RIN3: variants seen among roughly 807,000 people sequenced by gnomAD.
RIN3 encodes RAB5 interacting protein 3.
A neutral mutation model predicts 76.3 loss-of-function variants in RIN3; 54 were observed. The observed-to-expected ratio is 0.71, with a 90% CI of 0.57 to 0.89. The LOEUF (loss-of-function observed/expected upper bound fraction) is 0.89. Among genes scored for constraint, RIN3 ranks in the 40% least tolerant of loss-of-function variants. The pLI is 0.00. For missense variants in RIN3, 1,256 were observed against 1,322.1 expected (o/e 0.95, Z 0.78); for synonymous variants, 576 against 564.0 (o/e 1.02, Z -0.30).
At chr14:92,580,395 C>T (rs1440842186) in intron 3 of RIN3, among the ~76,000 whole-genome samples, 3 of 152,372 alleles carry the variant, frequency 2.0e-5, no homozygotes, top group Non-Finnish European at 1.5e-5. Context: ...ACAACCCACA[C>T]ATTCATGTGT....
In RIN3 at chr14:92,652,928, A is replaced by G; in HGVS notation, c.1879A>G (p.Ser627Gly). The G allele has an allele frequency of 6.2e-7, 1 of 1,614,018 alleles. No individual in the cohort carries two copies. The highest frequency in any genetic ancestry group is 8.5e-7 in the Non-Finnish European group (1 of 1,180,048). The change falls in exon 6 of 10, where the codon AGC (serine) becomes GGC (glycine). Residue 627 changes from serine to glycine, a missense_variant. Physicochemically the swap from Ser to Gly is moderately conservative, Grantham distance 56. This residue lies in a region of RIN3 where 428 missense variants were observed against 521.2 expected (regional missense o/e 0.82). Transcript: ENST00000216487. The surrounding 1 kb of genome is among the most constrained non-coding windows in gnomAD (Gnocchi z 6.4). ...GSLVQDYKVY[S>G]LEMMARQTSS... ...CCTGGTGCAGGACTACAAGGTGTAC[A>G]GCCTGGAGATGATGGCGCGCCAGAC...
intron 1 of RIN3, among the ~76,000 whole-genome samples, chr14:92,516,712 G>A (rs1186950849): frequency 2.6e-5 from 4 of 152,042 alleles, no homozygotes; most frequent in Non-Finnish European, 4.4e-5. Context: ...TGAAGGAGTC[G>A]CAGCACATTT....
intron 2 of RIN3, among the ~76,000 whole-genome samples, chr14:92,566,539 A>C (rs962671634): frequency 2.0e-5 from 3 of 152,200 alleles, no homozygotes; most frequent in African/African-American, 7.2e-5. Context: ...CAAATGTGAT[A>C]CATCTCCTGA....
At chr14:92,675,809 C>T (rs1452799741) in intron 7 of RIN3, among the ~76,000 whole-genome samples, 1 of 152,216 alleles carries the variant, frequency 6.6e-6, no homozygotes, top group Admixed American at 6.5e-5. Flanking sequence ...CCACCTTCCA[C>T]CCTCCTTCCT....
chr14:92,526,475 C>T (rs1896733947), intron 1 of RIN3, among the ~76,000 whole-genome samples: 1 of 151,316 alleles, frequency 6.6e-6, no homozygotes, highest in Admixed American at 6.6e-5. Context: ...AATAAATGGG[C>T]CGGGCGCAGT....
In RIN3 at chr14:92,570,865, C is replaced by G. The variant is rs115451197; in HGVS notation, c.250-6495C>G. Among the ~76,000 whole-genome samples the G allele has an allele frequency of 5.1e-3, 777 of 152,256 alleles. 5 individuals are homozygous for G. Among genetic ancestry groups the G allele is most frequent in the African/African-American group, 0.017 (688 of 41,562 alleles). On this transcript the variant is annotated intron_variant, in intron 2 of 9. Coordinates refer to ENST00000216487, the MANE Select transcript of RIN3 (RefSeq NM_024832.5). ...TTTCCATATGAGACCACTGCATGCC[C>G]CAGTGATTTGATTGGTTACAGATTG...
chr14:92,646,287 C>A (rs904853925), intron 5 of RIN3, among the ~76,000 whole-genome samples: 1 of 152,206 alleles, frequency 6.6e-6, no homozygotes, highest in African/African-American at 2.4e-5. Context: ...CAGCATGGCG[C>A]CCTTTTGCCA....
chr14:92,515,476 CAG>C (rs1257671325), intron 1 of RIN3: 1 of 498,340 alleles, frequency 2.0e-6, no homozygotes, highest in Non-Finnish European at 3.5e-6. Flanking sequence ...CTCTGTATCT[CAG>C]TTCACTTATC....
intron 1 of RIN3, among the ~76,000 whole-genome samples, chr14:92,554,530 T>G (rs1221592274): frequency 2.0e-5 from 3 of 152,180 alleles, no homozygotes; most frequent in Non-Finnish European, 2.9e-5. Flanking sequence ...CCAATGGAAA[T>G]CTAATGCAAG....
chr14:92,675,177 G>T (rs1888418964), intron 7 of RIN3, among the ~76,000 whole-genome samples: 1 of 152,160 alleles, frequency 6.6e-6, no homozygotes, highest in Non-Finnish European at 1.5e-5. Flanking sequence ...TGGCCAGCAG[G>T]AAACTCAAAG....
chr14:92,532,367 G>A (rs1177221797), intron 1 of RIN3, among the ~76,000 whole-genome samples: 8 of 152,110 alleles, frequency 5.3e-5, no homozygotes, highest in Admixed American at 1.3e-4. Context: ...GAGCTGCCCA[G>A]GATGAGTAAT....
chr14:92,561,044 A>AATATATATATATATAT lies in RIN3; in HGVS notation c.249+5101_249+5102insATATATATATATATAT, dbSNP rs1555383857. 2.0e-3 allele frequency among the ~76,000 whole-genome samples: 48 copies of AATATATATATATATAT among 24,400 alleles called. 2 individuals are homozygous for AATATATATATATATAT. The highest frequency in any genetic ancestry group is 4.4e-3 in the African/African-American group (34 of 7,730). The allele number at this position is 24,400 out of a possible 152,430, so 16.0% of individuals were successfully genotyped here. ...CTAAAAAAAAAAAAAAAAAAAAAAA[A>AATATATATATATATAT]ATATATATATATCTGCCATATATAT... On this transcript the variant is annotated intron_variant, in intron 2 of 9. Transcript: ENST00000216487.
chr14:92,632,568 G>A (rs2140121585), intron 4 of RIN3, among the ~76,000 whole-genome samples: 1 of 152,298 alleles, frequency 6.6e-6, no homozygotes, highest in East Asian at 1.9e-4. Flanking sequence ...CTGGGGGTGT[G>A]ACCTGCCTTG....
chr14:92,606,281 G>A (rs1354299934), intron 3 of RIN3, among the ~76,000 whole-genome samples: 2 of 152,046 alleles, frequency 1.3e-5, no homozygotes, highest in Non-Finnish European at 2.9e-5. Context: ...GCTTATACCT[G>A]TAATCCCAAC....
chr14:92,578,032 G>T (rs1898308992), intron 3 of RIN3, among the ~76,000 whole-genome samples: 1 of 152,124 alleles, frequency 6.6e-6, no homozygotes, highest in African/African-American at 2.4e-5. Context: ...TTGAGCCCAG[G>T]ATCTGGAGAC....
rs1321402014 is a variant in RIN3 at position 92,656,129 on chromosome 14, GGT to G, written c.2027-3031_2027-3030del. On this transcript the variant is annotated intron_variant, in intron 6 of 9. Coordinates refer to ENST00000216487, the MANE Select transcript of RIN3 (RefSeq NM_024832.5). The surrounding 1 kb of genome is among the most constrained non-coding windows in gnomAD (Gnocchi z 5.2). The stretch of plus-strand genomic sequence containing the variant: ...CTCCAAGTGGCCCAGAGGAAACTGT[GGT>G]CAGCCCTGCCTTCCAGAGTTGGGGG... Among the ~76,000 whole-genome samples, 1 of 152,194 alleles carries G rather than the reference GGT, an allele frequency of 6.6e-6. No individual in the cohort carries two copies. Among genetic ancestry groups the G allele is most frequent in the African/African-American group, 2.4e-5 (1 of 41,440 alleles).
chr14:92,566,694 A>G (rs1322583298), intron 2 of RIN3, among the ~76,000 whole-genome samples: 13 of 152,190 alleles, frequency 8.5e-5, no homozygotes, highest in Non-Finnish European at 1.5e-5. Context: ...AGCCGCCCAG[A>G]AAGCTCAGAT....
chr14:92,588,791 C>G (rs1253450722), intron 3 of RIN3, among the ~76,000 whole-genome samples: 1 of 152,152 alleles, frequency 6.6e-6, no homozygotes, highest in African/African-American at 2.4e-5. Context: ...TCTGGAAATT[C>G]TCTACTCAGT....
At chr14:92,546,205 T>C in intron 1 of RIN3, among the ~76,000 whole-genome samples, 1 of 152,114 alleles carries the variant, frequency 6.6e-6, no homozygotes. Flanking sequence ...GATTACAGGC[T>C]TGAGCCACTG....
Sources: gnomAD v4.1 joint callset for allele counts (sites outside exome capture counted in the v4.1 genomes callset) on GRCh38, gnomAD v4.1.1 for gene constraint, gnomAD v4.1.1 regional missense constraint, Gnocchi (gnomAD v3.1) non-coding constraint, MANE v1.5 for transcripts, NCBI Gene and HGNC (gene_info 2026-07-23, HGNC 2026-07-21) for gene names.